ADD3: variants seen among roughly 807,000 people sequenced by gnomAD.
The protein encoded by ADD3 is gamma-adducin.
Under a neutral mutation model 80.2 loss-of-function variants are expected in ADD3, and 25 were observed. The observed-to-expected ratio is 0.31, with a 90% confidence interval of 0.23 to 0.44. The LOEUF (loss-of-function observed/expected upper bound fraction) is 0.44. Among genes scored for constraint, ADD3 ranks in the 20% least tolerant of loss-of-function variants. The pLI, the probability that ADD3 is intolerant of heterozygous loss-of-function variation, is 1.00. For missense variants in ADD3, 829 were observed against 847.5 expected, an observed-to-expected ratio of 0.98 and a Z score of 0.27; for synonymous variants, 284 against 289.6, an observed-to-expected ratio of 0.98 and a Z score of 0.20.
intron 1 of ADD3, among the ~76,000 whole-genome samples, chr10:110,099,790 A>G (rs568645220): frequency 1.3e-5 from 2 of 152,226 alleles, no homozygotes; most frequent in Non-Finnish European, 2.9e-5. Context: ...TGCATGGCCA[A>G]AGGCTACATC....
intron 1 of ADD3, among the ~76,000 whole-genome samples, chr10:110,095,693 A>G (rs1848069249): frequency 6.6e-6 from 1 of 152,226 alleles, no homozygotes; most frequent in Admixed American, 6.5e-5. Context: ...ATAATAGTCA[A>G]AGACGAGAAA....
intron 2 of ADD3, among the ~76,000 whole-genome samples, chr10:110,105,229 G>T (rs979365848): frequency 2.0e-5 from 3 of 151,824 alleles, no homozygotes; most frequent in Non-Finnish European, 2.9e-5. Context: ...ATACCACTTG[G>T]TAAATTAATT....
intron 2 of ADD3, among the ~76,000 whole-genome samples, chr10:110,109,648 G>A (rs1849772177): frequency 6.6e-6 from 1 of 152,146 alleles, no homozygotes; most frequent in African/African-American, 2.4e-5. Context: ...ACTGAGAAAA[G>A]TTTAAATAGT....
At chr10:110,099,170 C>T (rs1291792195) in intron 1 of ADD3, among the ~76,000 whole-genome samples, 1 of 149,298 alleles carries the variant, frequency 6.7e-6, no homozygotes, top group Admixed American at 6.7e-5. Flanking sequence ...CTCAAGTGAT[C>T]CTCCCACCTC....
At chr10:110,021,694 G>T (rs1242217632) in intron 1 of ADD3, among the ~76,000 whole-genome samples, 1 of 152,136 alleles carries the variant, frequency 6.6e-6, no homozygotes, top group African/African-American at 2.4e-5. Context: ...GTGGTTGTCA[G>T]GAGCTGCAGG....
intron 1 of ADD3, among the ~76,000 whole-genome samples, chr10:110,049,077 G>A (rs1857208382): frequency 6.6e-6 from 1 of 152,308 alleles, no homozygotes; most frequent in East Asian, 1.9e-4. Flanking sequence ...ATGGCTAAAA[G>A]GGGCCAAGTT....
At chr10:110,108,869 GA>G (rs1223219496) in intron 2 of ADD3, among the ~76,000 whole-genome samples, 2 of 151,880 alleles carry the variant, frequency 1.3e-5, no homozygotes, top group Admixed American at 1.3e-4. Context: ...CATATACTTT[GA>G]AAAAAAATTT....
chr10:110,100,749 C>T lies in ADD3; in HGVS notation c.96C>T (p.Asp32=). The T allele has an allele frequency of 1.9e-6, 3 of 1,613,874 alleles. No homozygotes were observed. Among genetic ancestry groups the T allele is most frequent in the Non-Finnish European group, 2.5e-6 (3 of 1,179,930 alleles). The stretch of plus-strand genomic sequence containing the variant: ...ATTTTGACCGCATCAATGAAAATGA[C>T]CCAGAATACATTAGGGAGAGGAACA... ...ERYFDRINEN[D]PEYIRERNMS... Residue 32 remains aspartate (D), a synonymous_variant, in exon 2 of 15, where the codon GAC becomes GAT. Transcript: ENST00000356080.
rs1372856688 is a variant in ADD3 at position 110,135,488 on chromosome 10, T to G, written c.*1870T>G. 2 of 152,648 alleles carry G rather than the reference T, an allele frequency of 1.3e-5. No individual in the cohort carries two copies. Among genetic ancestry groups the G allele is most frequent in the Non-Finnish European group, 2.9e-5 (2 of 68,042 alleles). The allele number at this position is 152,648 out of a possible 1,614,324, so 9.5% of individuals were successfully genotyped here. Reference sequence around the variant, plus strand: ...AACCTCTGTGTCCTGTGGAAAAATGTATAAATGTTATCTGATATTGCTCTT... The same window carrying G: ...AACCTCTGTGTCCTGTGGAAAAATGGATAAATGTTATCTGATATTGCTCTT... On this transcript the variant is annotated 3_prime_UTR_variant, in exon 15 of 15. Coordinates refer to ENST00000356080, the MANE Select transcript of ADD3 (RefSeq NM_016824.5).
At chr10:110,024,504 AT>A (rs1263980693) in intron 1 of ADD3, among the ~76,000 whole-genome samples, 6 of 152,194 alleles carry the variant, frequency 3.9e-5, no homozygotes, top group Non-Finnish European at 8.8e-5. Context: ...ACAGTTGACC[AT>A]TTTTGTTTGT....
At chr10:110,077,736 A>G (rs1429614654) in intron 1 of ADD3, among the ~76,000 whole-genome samples, 2 of 151,282 alleles carry the variant, frequency 1.3e-5, no homozygotes, top group Non-Finnish European at 2.9e-5. Flanking sequence ...TAGGAGAATT[A>G]TTGTTGTTCA....
At chr10:110,066,405 T>C (rs1016124963) in intron 1 of ADD3, among the ~76,000 whole-genome samples, 3 of 151,908 alleles carry the variant, frequency 2.0e-5, no homozygotes, top group African/African-American at 7.3e-5. Context: ...CCTGGCTAGT[T>C]TTTGTATTTT....
chr10:110,068,874 T>G (rs759185364), intron 1 of ADD3, among the ~76,000 whole-genome samples: 1 of 152,066 alleles, frequency 6.6e-6, no homozygotes, highest in Non-Finnish European at 1.5e-5. Context: ...CGCAGGAGTT[T>G]GAGATCAGCC....
At chr10:110,023,681 T>A (rs1268787883) in intron 1 of ADD3, among the ~76,000 whole-genome samples, 8 of 152,200 alleles carry the variant, frequency 5.3e-5, no homozygotes, top group Non-Finnish European at 7.4e-5. Flanking sequence ...TTCCCAAACA[T>A]AAACATTTTA....
Position 110,117,732 on chromosome 10 carries a change from A to G in ADD3, c.567+310A>G, listed in dbSNP as rs557747549. Among the ~76,000 whole-genome samples, 120 of 151,972 alleles carry G rather than the reference A, an allele frequency of 7.9e-4. 1 individual carries two copies. The highest frequency in any genetic ancestry group is 2.8e-3 in the African/African-American group (116 of 41,426). On this transcript the variant is annotated intron_variant, in intron 5 of 14. Coordinates refer to ENST00000356080, the MANE Select transcript of ADD3 (RefSeq NM_016824.5). Reference sequence around the variant, plus strand: ...AAAAAATTGTGTAAAAAAAACACACACGGCCAGGTGCAGTGGCTCACGCCT... The same window carrying G: ...AAAAAATTGTGTAAAAAAAACACACGCGGCCAGGTGCAGTGGCTCACGCCT...
intron 1 of ADD3, among the ~76,000 whole-genome samples, chr10:110,000,390 G>A (rs1851462896): frequency 6.6e-6 from 1 of 152,200 alleles, no homozygotes; most frequent in Non-Finnish European, 1.5e-5. Flanking sequence ...AATTCAGTCT[G>A]CAATTTTTGT....
intron 1 of ADD3, among the ~76,000 whole-genome samples, chr10:110,054,518 T>G (rs937019416): frequency 1.3e-5 from 2 of 149,238 alleles, no homozygotes; most frequent in African/African-American, 4.9e-5. Flanking sequence ...CTCGGCTCAC[T>G]GCAACCTCCA....
chr10:110,033,303 A>G (rs909064059), intron 1 of ADD3, among the ~76,000 whole-genome samples: 2 of 152,262 alleles, frequency 1.3e-5, no homozygotes, highest in African/African-American at 2.4e-5. Flanking sequence ...TTAGATGCCA[A>G]CAGACTAATA....
intron 1 of ADD3, among the ~76,000 whole-genome samples, chr10:110,018,138 A>G (rs12245172): frequency 0.14 from 20,657 of 152,178 alleles, 4,499 homozygotes; most frequent in African/African-American, 0.46. Context: ...CAATAACTAA[A>G]ACAACAATGC....
Sources: gnomAD v4.1 joint callset for allele counts (sites outside exome capture counted in the v4.1 genomes callset) on GRCh38, gnomAD v4.1.1 for gene constraint, MANE v1.5 for transcripts, NCBI Gene and HGNC (gene_info 2026-07-23, HGNC 2026-07-21) for gene names.